The following L3MBTL4 variants were observed in gnomAD, a reference collection of about 807,000 sequenced individuals.
The protein encoded by L3MBTL4 is L3MBTL histone methyl-lysine binding protein 4.
Under a neutral mutation model 84.5 loss-of-function variants are expected in L3MBTL4, and 70 were observed. The observed-to-expected ratio is 0.83, with a 90% confidence interval of 0.68 to 1.01. The LOEUF is 1.01. Among genes scored for constraint, L3MBTL4 ranks in the 50% least tolerant of loss-of-function variants. L3MBTL4 has a pLI of 0.00. For synonymous variants in L3MBTL4, 274 were observed against 259.8 expected (o/e 1.05, Z -0.52); for missense variants, 715 against 754.8 (o/e 0.95, Z 0.62).
At chr18:6,292,908 T>C (rs1252571281) in intron 4 of L3MBTL4, among the ~76,000 whole-genome samples, 1 of 152,180 alleles carries the variant, frequency 6.6e-6, no homozygotes, top group African/African-American at 2.4e-5. Flanking sequence ...CTGCCATCAC[T>C]CACCAATCAG....
chr18:6,324,126 T>C (rs1197607154), intron 1 of L3MBTL4, among the ~76,000 whole-genome samples: 1 of 152,176 alleles, frequency 6.6e-6, no homozygotes, highest in African/African-American at 2.4e-5. Flanking sequence ...TTCCACATGG[T>C]GTTAAGCCCA....
intron 12 of L3MBTL4, among the ~76,000 whole-genome samples, chr18:6,181,594 T>A (rs1426862615): frequency 6.6e-6 from 1 of 152,078 alleles, no homozygotes; most frequent in Non-Finnish European, 1.5e-5. Flanking sequence ...CCTCTCAAAG[T>A]GCTGGGATTA....
intron 3 of L3MBTL4, among the ~76,000 whole-genome samples, chr18:6,304,547 G>C (rs2050496855): frequency 6.6e-6 from 1 of 152,210 alleles, no homozygotes; most frequent in Non-Finnish European, 1.5e-5. Flanking sequence ...CAAGCTCCCA[G>C]CAGATGCTAC....
chr18:6,272,397 AGGG>A (rs1229810971), intron 4 of L3MBTL4, among the ~76,000 whole-genome samples: 3 of 149,716 alleles, frequency 2.0e-5, no homozygotes, highest in Non-Finnish European at 3.0e-5. Context: ...GCACGGGGAA[AGGG>A]GGAGTTGTGC....
At chr18:6,223,083 T>C (rs921963509) in intron 10 of L3MBTL4, among the ~76,000 whole-genome samples, 7 of 151,958 alleles carry the variant, frequency 4.6e-5, no homozygotes, top group Non-Finnish European at 4.4e-5. Flanking sequence ...ATCTAGAATA[T>C]CTACTAAGTA....
intron 13 of L3MBTL4, 47 bp from the exon 14 acceptor site, chr18:6,138,343 A>C (rs1043176974): frequency 8.6e-7 from 1 of 1,158,152 alleles, no homozygotes; most frequent in Non-Finnish European, 1.3e-6. Context: ...TCATTAAAGA[A>C]GACTGCAAAT....
chr18:6,323,769 C>A (rs1203057204), intron 1 of L3MBTL4, among the ~76,000 whole-genome samples: 1 of 152,188 alleles, frequency 6.6e-6, no homozygotes, highest in Non-Finnish European at 1.5e-5. Context: ...AAATTTGCAG[C>A]CTGGCCATGT....
chr18:6,073,248 AC>A (rs1473311734), intron 16 of L3MBTL4, among the ~76,000 whole-genome samples: 1 of 151,894 alleles, frequency 6.6e-6, no homozygotes. Context: ...AAGGAACATA[AC>A]TATAGAATCT....
At chr18:6,059,857 G>T (rs1359724091) in intron 16 of L3MBTL4, among the ~76,000 whole-genome samples, 2 of 152,236 alleles carry the variant, frequency 1.3e-5, no homozygotes, top group African/African-American at 2.4e-5. Flanking sequence ...ATGGCAGCTG[G>T]TGTCTAACCT....
chr18:5,970,447 C>A (rs1436045598), intron 16 of L3MBTL4, among the ~76,000 whole-genome samples: 1 of 152,150 alleles, frequency 6.6e-6, no homozygotes, highest in East Asian at 1.9e-4. Context: ...TGTTACATCT[C>A]AACATTTAAG....
intron 16 of L3MBTL4, among the ~76,000 whole-genome samples, chr18:6,038,925 C>A (rs939779963): frequency 1.3e-5 from 2 of 151,950 alleles, no homozygotes. Flanking sequence ...TATATGGGGT[C>A]ATAAGGGTGG....
chr18:6,334,076 T>C (rs1004777277), intron 1 of L3MBTL4, among the ~76,000 whole-genome samples: 1 of 152,230 alleles, frequency 6.6e-6, no homozygotes. Context: ...GCAGTGCTGC[T>C]AACCAGGTAG....
At chr18:6,210,326 G>A (rs2046051762) in intron 12 of L3MBTL4, among the ~76,000 whole-genome samples, 1 of 152,112 alleles carries the variant, frequency 6.6e-6, no homozygotes, top group South Asian at 2.1e-4. Context: ...CAAAGTGAGT[G>A]GGGTCATGGG....
At chr18:5,984,578 G>GA (rs2053386199) in intron 16 of L3MBTL4, among the ~76,000 whole-genome samples, 1 of 152,110 alleles carries the variant, frequency 6.6e-6, no homozygotes, top group African/African-American at 2.4e-5. Flanking sequence ...TTTTTTGGGG[G>GA]GGAAGCTTTT....
intron 17 of L3MBTL4, among the ~76,000 whole-genome samples, chr18:5,962,280 T>C (rs566813133): frequency 3.8e-4 from 58 of 152,298 alleles, no homozygotes; most frequent in African/African-American, 1.4e-3. Context: ...AGAGGTTCAC[T>C]GTTGGATTCA....
At chr18:5,981,350 A>G (rs2053203143) in intron 16 of L3MBTL4, among the ~76,000 whole-genome samples, 1 of 152,232 alleles carries the variant, frequency 6.6e-6, no homozygotes, top group Non-Finnish European at 1.5e-5. Flanking sequence ...TTATACAAGT[A>G]AAAGAAATGA....
rs528850966 is a variant in L3MBTL4 at position 5,957,470 on chromosome 18, G to A, written c.1678-1083C>T. Among the ~76,000 whole-genome samples, 9 of 151,796 alleles carry A rather than the reference G, an allele frequency of 5.9e-5. 1 individual carries two copies. In the South Asian group the frequency reaches 1.9e-3, roughly 32 times the overall value. Reference sequence around the variant, plus strand: ...GATGGCAGTGGCCACCGTGTAGGCTGCTTTCCCCAGCTTCTGGATGCCCCA... The same window carrying A: ...GATGGCAGTGGCCACCGTGTAGGCTACTTTCCCCAGCTTCTGGATGCCCCA... On this transcript the variant is annotated intron_variant, in intron 18 of 18. Transcript: ENST00000317931.
At chr18:6,321,166 T>C (rs1745907794) in intron 1 of L3MBTL4, among the ~76,000 whole-genome samples, 1 of 152,096 alleles carries the variant, frequency 6.6e-6, no homozygotes, top group African/African-American at 2.4e-5. Flanking sequence ...GACACTGGCC[T>C]AGGCAGAAAA....
At chr18:6,169,962 G>A (rs2043884006) in intron 13 of L3MBTL4, among the ~76,000 whole-genome samples, 1 of 152,070 alleles carries the variant, frequency 6.6e-6, no homozygotes, top group Admixed American at 6.6e-5. Flanking sequence ...TGAAAATCTA[G>A]AGAATGTCAC....
Sources: gnomAD v4.1 joint callset for allele counts (sites outside exome capture counted in the v4.1 genomes callset) on GRCh38, gnomAD v4.1.1 for gene constraint, MANE v1.5 for transcripts, NCBI Gene and HGNC (gene_info 2026-07-23, HGNC 2026-07-21) for gene names.